The following GABRG3 variants were observed in gnomAD, a reference collection of about 807,000 sequenced individuals.
GABRG3 encodes gamma-aminobutyric acid receptor subunit gamma-3.
In GABRG3, 25 loss-of-function variants were observed where a neutral mutation model predicts 48.8. The observed-to-expected ratio is 0.51, with a 90% CI of 0.37 to 0.72. The LOEUF is 0.72. Among genes scored for constraint, GABRG3 ranks in the 30% least tolerant of loss-of-function variants. The pLI, the probability that GABRG3 is intolerant of heterozygous loss-of-function variation, is 0.00. For synonymous variants in GABRG3, 227 were observed against 217.6 expected, an observed-to-expected ratio of 1.04 and a Z score of -0.38; for missense variants, 394 against 577.9, an observed-to-expected ratio of 0.68 and a Z score of 3.26.
chr15:27,481,016 TCTATAAACCTAG>T, intron 6 of GABRG3: 2 of 1,334,746 alleles, frequency 1.5e-6, no homozygotes, highest in Non-Finnish European at 1.9e-6. Context: ...TTGCATAATG[TCTATAAACCTAG>T]CTATAAACTT....
chr15:27,310,802 A>T (rs1892968552), intron 3 of GABRG3, among the ~76,000 whole-genome samples: 1 of 152,120 alleles, frequency 6.6e-6, no homozygotes, highest in African/African-American at 2.4e-5. Flanking sequence ...AACTGATTAG[A>T]GTCTAGAACA....
chr15:27,354,559 G>T (rs1894774084), intron 5 of GABRG3, among the ~76,000 whole-genome samples: 1 of 152,178 alleles, frequency 6.6e-6, no homozygotes, highest in African/African-American at 2.4e-5. Flanking sequence ...TTCACCAGGG[G>T]CCTGAGGAAG....
At chr15:27,231,396 G>A (rs960774972) in intron 3 of GABRG3, among the ~76,000 whole-genome samples, 1 of 152,220 alleles carries the variant, frequency 6.6e-6, no homozygotes, top group African/African-American at 2.4e-5. Flanking sequence ...TTTCTTTGCA[G>A]AACAAAGCTT....
At chr15:27,304,036 C>A (rs1357646311) in intron 3 of GABRG3, among the ~76,000 whole-genome samples, 5 of 151,874 alleles carry the variant, frequency 3.3e-5, no homozygotes, top group African/African-American at 4.8e-5. Flanking sequence ...CAAAATACAT[C>A]ATCTATTCAT....
chr15:27,073,369 A>G (rs1864796), intron 3 of GABRG3, among the ~76,000 whole-genome samples: 31,413 of 152,216 alleles, frequency 0.21, 3,398 homozygotes, highest in Middle Eastern at 0.27. Context: ...AGCATGCCTC[A>G]GGGGTGCCAC....
At chr15:27,223,708 A>G (rs1889522694) in intron 3 of GABRG3, among the ~76,000 whole-genome samples, 1 of 152,020 alleles carries the variant, frequency 6.6e-6, no homozygotes, top group Non-Finnish European at 1.5e-5. Context: ...GGTGTCTAGT[A>G]CCTTGTCCCC....
intron 6 of GABRG3, among the ~76,000 whole-genome samples, chr15:27,495,406 T>C (rs988053572): frequency 1.3e-5 from 2 of 152,244 alleles, no homozygotes; most frequent in African/African-American, 2.4e-5. Context: ...CTCTTGGCTA[T>C]TGTGAATGAT....
chr15:27,520,781 TAG>T (rs1891141809), intron 7 of GABRG3, among the ~76,000 whole-genome samples: 1 of 151,074 alleles, frequency 6.6e-6, no homozygotes, highest in Non-Finnish European at 1.5e-5. Flanking sequence ...AGACTGAATA[TAG>T]AGATTGTTTT....
chr15:27,500,952 GT>G lies in GABRG3; in HGVS notation c.713-19002del, dbSNP rs61305255. Among the ~76,000 whole-genome samples, 99 of 122,146 alleles carry G rather than the reference GT, an allele frequency of 8.1e-4. 1 individual carries two copies. Among genetic ancestry groups the G allele is most frequent in the South Asian group, 4.4e-3 (17 of 3,862 alleles). The allele number at this position is 122,146 out of a possible 152,430, so 80.1% of individuals were successfully genotyped here. A position where few individuals can be genotyped will look rare whatever the true frequency, so the allele number is the denominator to read the frequency against. On this transcript the variant is annotated intron_variant, in intron 6 of 9. Transcript: ENST00000615808. ...CTGAGAAAAATAGGAAGTAACGTAT[GT>G]TTTTTTTTTTTTTTTTTGAGACGGA...
chr15:27,079,870 C>T (rs903504881), intron 3 of GABRG3, among the ~76,000 whole-genome samples: 5 of 152,156 alleles, frequency 3.3e-5, no homozygotes, highest in East Asian at 3.9e-4. Flanking sequence ...AAAATCAGCC[C>T]GCACTTTCTC....
chr15:27,446,928 C>T (rs556970531), intron 5 of GABRG3, among the ~76,000 whole-genome samples: 9 of 152,226 alleles, frequency 5.9e-5, no homozygotes, highest in Admixed American at 2.0e-4. Context: ...ATGCCCGCAC[C>T]GACTCACACA....
intron 5 of GABRG3, chr15:27,350,139 C>G (rs555757791): frequency 1.3e-4 from 58 of 456,010 alleles, no homozygotes; most frequent in South Asian, 8.8e-4. Context: ...ACCATCTTGG[C>G]CTTCAGATTG....
rs1887890959 is a variant in GABRG3 at position 27,180,363 on chromosome 15, A to T, written c.271-146446A>T. ...ATTGAACAAGAAGAGCAACTGTAGA[A>T]TTCTTCAGGTTATGACTGCCATGTG... On this transcript the variant is annotated intron_variant, in intron 3 of 9. Coordinates refer to ENST00000615808, the MANE Select transcript of GABRG3 (RefSeq NM_033223.5). The surrounding 1 kb of genome is among the most constrained non-coding windows in gnomAD (Gnocchi z 4.2). Among the ~76,000 whole-genome samples the T allele has an allele frequency of 6.6e-6, 1 of 152,140 alleles. No homozygotes were observed. The highest frequency in any genetic ancestry group is 6.5e-5 in the Admixed American group (1 of 15,278).
At chr15:27,072,845 C>A (rs1171345552) in intron 3 of GABRG3, among the ~76,000 whole-genome samples, 1 of 152,170 alleles carries the variant, frequency 6.6e-6, no homozygotes, top group African/African-American at 2.4e-5. Flanking sequence ...AAGTTAATTC[C>A]CAGGAGAAAT....
At chr15:26,998,361 T>C (rs977167417) in intron 2 of GABRG3, among the ~76,000 whole-genome samples, 2 of 152,188 alleles carry the variant, frequency 1.3e-5, no homozygotes, top group African/African-American at 4.8e-5. Flanking sequence ...TATGGCATTC[T>C]TCTTCTTCTG....
intron 5 of GABRG3, among the ~76,000 whole-genome samples, chr15:27,341,561 T>G (rs1265977440): frequency 6.6e-6 from 1 of 151,918 alleles, no homozygotes; most frequent in Non-Finnish European, 1.5e-5. Context: ...GACTTTGAAG[T>G]CCCTGTTTTT....
At position 27,180,069 on chromosome 15, in the gene GABRG3, A is replaced by C. The variant is rs1887877573; in HGVS notation, c.271-146740A>C. 6.6e-6 allele frequency among the ~76,000 whole-genome samples: 1 copy of C among 152,158 alleles called. No individual in the cohort carries two copies. The highest frequency in any genetic ancestry group is 2.4e-5 in the African/African-American group (1 of 41,434). On this transcript the variant is annotated intron_variant, in intron 3 of 9. Coordinates refer to ENST00000615808, the MANE Select transcript of GABRG3 (RefSeq NM_033223.5). This position sits in a 1 kb window ranked among gnomAD's most constrained non-coding sequence, Gnocchi z 4.2. ...CACTGCCTGATCGAACATCTCTGTG[A>C]GTCTTGGCCTTCCCCAGGAGACTGT...
intron 6 of GABRG3, among the ~76,000 whole-genome samples, chr15:27,515,650 AATAACAACG>A (rs1326922492): frequency 6.6e-6 from 1 of 152,168 alleles, no homozygotes; most frequent in African/African-American, 2.4e-5. Flanking sequence ...GATGGAGGGA[AATAACAACG>A]TTTAAAGGAG....
At chr15:27,146,330 G>T (rs1311693986) in intron 3 of GABRG3, among the ~76,000 whole-genome samples, 3 of 152,096 alleles carry the variant, frequency 2.0e-5, no homozygotes, top group Non-Finnish European at 4.4e-5. Context: ...GATGGCCGGT[G>T]CCTGTAGTCC....
Sources: gnomAD v4.1 joint callset for allele counts (sites outside exome capture counted in the v4.1 genomes callset) on GRCh38, gnomAD v4.1.1 for gene constraint, Gnocchi (gnomAD v3.1) non-coding constraint, MANE v1.5 for transcripts, NCBI Gene and HGNC (gene_info 2026-07-23, HGNC 2026-07-21) for gene names.